Variants in TTYH1 observed in about 807,000 individuals in gnomAD.
The protein encoded by TTYH1 is tweety family member 1.
A neutral mutation model predicts 61.2 loss-of-function variants in TTYH1; 33 were observed. The ratio of observed to expected loss-of-function variants is 0.54; its 90% CI spans 0.41 to 0.72. The LOEUF (loss-of-function observed/expected upper bound fraction) is 0.72. TTYH1 is among the 30% of genes least tolerant of loss of function. The pLI is 0.00. For synonymous variants in TTYH1, 308 were observed against 266.4 expected, an observed-to-expected ratio of 1.16 and a Z score of -1.52; for missense variants, 538 against 575.8, an observed-to-expected ratio of 0.93 and a Z score of 0.67.
At position 54,429,247 on chromosome 19, in the gene TTYH1, G is replaced by A; in HGVS notation, c.735-60G>A. The A allele has an allele frequency of 6.6e-7, 1 of 1,522,854 alleles. No homozygotes were observed. Among genetic ancestry groups the A allele is most frequent in the South Asian group, 1.1e-5 (1 of 89,140 alleles). The allele number at this position is 1,522,854 out of a possible 1,614,324, so 94.3% of individuals were successfully genotyped here. On this transcript the variant is annotated intron_variant, in intron 5 of 13. Coordinates refer to ENST00000376530, the MANE Select transcript of TTYH1 (RefSeq NM_020659.4). The surrounding 1 kb of genome is among the most constrained non-coding windows in gnomAD (Gnocchi z 5.1). ...GCGGCTGTGATGGGATTTGGGGTGT[G>A]GAAAGAGGCTAGGCTAGGAGATTAA...
chr19:54,423,287 T>G (rs550727735), intron 4 of TTYH1, among the ~76,000 whole-genome samples: 1 of 148,874 alleles, frequency 6.7e-6, no homozygotes, highest in Non-Finnish European at 1.5e-5. Flanking sequence ...AACCTCCGCC[T>G]CCTGGATTCA....
intron 7 of TTYH1, 124 bp from the exon 8 acceptor site, chr19:54,430,426 C>A: frequency 9.6e-7 from 1 of 1,040,086 alleles, no homozygotes; most frequent in Non-Finnish European, 1.5e-6. Flanking sequence ...AAGGTAAGGC[C>A]ATCGGGCTCC....
chr19:54,422,128 G>A, intron 3 of TTYH1, 62 bp from the exon 4 acceptor site: 1 of 1,407,154 alleles, frequency 7.1e-7, no homozygotes. Flanking sequence ...AAAACCCCAT[G>A]CCTCGACCGC....
intron 10 of TTYH1, chr19:54,433,662 T>G (rs187203701): frequency 1.3e-5 from 2 of 148,966 alleles, no homozygotes; most frequent in Non-Finnish European, 1.5e-5. Context: ...CTCCTTGAGC[T>G]CAGGAGTTCA....
chr19:54,415,964 G>A lies in TTYH1; in HGVS notation c.126+286G>A. Reference sequence around the variant, plus strand: ...GAGGGGAGGGGGGCCCGGATTCCCGGGTGTCTGATACCTGCCTGGGAAGCC... The same window carrying A: ...GAGGGGAGGGGGGCCCGGATTCCCGAGTGTCTGATACCTGCCTGGGAAGCC... On this transcript the variant is annotated intron_variant, in intron 1 of 13. Transcript: ENST00000376530. The surrounding 1 kb of genome is among the most constrained non-coding windows in gnomAD (Gnocchi z 5.2). The A allele has an allele frequency of 4.2e-6, 5 of 1,180,144 alleles. No homozygotes were observed. Among genetic ancestry groups the A allele is most frequent in the Non-Finnish European group, 5.8e-6 (5 of 858,904 alleles). 73.1% of individuals were successfully genotyped at this position (1,180,144 alleles called of 1,614,324 possible). A position where few individuals can be genotyped will look rare whatever the true frequency, so the allele number is the denominator to read the frequency against.
chr19:54,433,556 T>C (rs2083480247), intron 10 of TTYH1: 2 of 85,090 alleles, frequency 2.4e-5, no homozygotes, highest in Admixed American at 1.3e-4. Context: ...CGAGAATCCG[T>C]CTCAAAAAAA....
chr19:54,428,684 C>T (rs373702478), intron 5 of TTYH1, among the ~76,000 whole-genome samples: 16 of 152,238 alleles, frequency 1.1e-4, no homozygotes, highest in South Asian at 8.3e-4. Flanking sequence ...TGGGGTGAGG[C>T]AGAGTTGAAC....
intron 1 of TTYH1, among the ~76,000 whole-genome samples, chr19:54,417,742 A>T (rs755056844): frequency 1.2e-4 from 18 of 151,624 alleles, no homozygotes; most frequent in Non-Finnish European, 2.1e-4. Flanking sequence ...ACACATATTG[A>T]CTATAGCATT....
chr19:54,416,211 G>A lies in TTYH1; in HGVS notation c.126+533G>A, dbSNP rs767754085. Reference sequence around the variant, plus strand: ...CTTCAGGGGCTGAGGACCAGGGCTGGAAAATGAAGGGGCTCTGGGAGAGGA... The same window carrying A: ...CTTCAGGGGCTGAGGACCAGGGCTGAAAAATGAAGGGGCTCTGGGAGAGGA... On this transcript the variant is annotated intron_variant, in intron 1 of 13. Coordinates refer to ENST00000376530, the MANE Select transcript of TTYH1 (RefSeq NM_020659.4). The surrounding 1 kb of genome is among the most constrained non-coding windows in gnomAD (Gnocchi z 7.0). 3.5e-4 allele frequency: 173 copies of A among 493,410 alleles called. No individual in the cohort carries two copies. The highest frequency in any genetic ancestry group is 2.2e-3 in the African/African-American group (109 of 49,478). The allele number at this position is 493,410 out of a possible 1,614,324, so 30.6% of individuals were successfully genotyped here. A position where few individuals can be genotyped will look rare whatever the true frequency, so the allele number is the denominator to read the frequency against.
At chr19:54,423,310 G>C (rs1447885634) in intron 4 of TTYH1, among the ~76,000 whole-genome samples, 1 of 150,652 alleles carries the variant, frequency 6.6e-6, no homozygotes, top group African/African-American at 2.5e-5. Context: ...CGATTCTCCT[G>C]CCGCAGCCTC....
In TTYH1 at chr19:54,435,693, CGGGG is replaced by C. The variant is rs759069368; in HGVS notation, c.1268+11_1268+14del. The C allele has an allele frequency of 3.1e-6, 5 of 1,607,474 alleles. No homozygotes were observed. Among genetic ancestry groups the C allele is most frequent in the Non-Finnish European group, 4.2e-6 (5 of 1,176,852 alleles). ...GCCCTCTTCCCACCCAGGTCAGGAG[CGGGG>C]GAGGGTAGGGTCCTGGGGAGGGAAG... On this transcript the variant is annotated intron_variant, in intron 11 of 13. Coordinates refer to ENST00000376530, the MANE Select transcript of TTYH1 (RefSeq NM_020659.4).
chr19:54,426,801 G>C lies in TTYH1; in HGVS notation c.734+33G>C, dbSNP rs199841433. 3.8e-6 allele frequency: 6 copies of C among 1,588,464 alleles called. No individual in the cohort carries two copies. In the East Asian group the frequency reaches 1.1e-4, roughly 30 times the overall value. ...CAGGCAGTAGGGGGACCCAGTGCTT[G>C]CCTGGCACTCTCCTGGCAGGCAGGA... is the stretch of plus-strand genomic sequence containing the variant. On this transcript the variant is annotated intron_variant, in intron 5 of 13. Coordinates refer to ENST00000376530, the MANE Select transcript of TTYH1 (RefSeq NM_020659.4).
At position 54,421,293 on chromosome 19, in the gene TTYH1, G is replaced by A. The variant is rs1050294464; in HGVS notation, c.322G>A (p.Gly108Ser). 10 of 1,613,156 alleles carry A rather than the reference G, an allele frequency of 6.2e-6. No individual in the cohort carries two copies. The highest frequency in any genetic ancestry group is 2.7e-5 in the African/African-American group (2 of 74,880). Residue 108 changes from glycine (G) to serine (S), a missense_variant, in exon 3 of 14, where the codon GGT becomes AGT. This residue lies in a region of TTYH1 where 157 missense variants were observed against 157.0 expected (regional missense o/e 1.00). Transcript: ENST00000376530. This position sits in a 1 kb window ranked among gnomAD's most constrained non-coding sequence, Gnocchi z 4.8. ...TCCGCTCAGCACTGGCATTGGCATC[G>A]GTTTCTATGGCAACAGTGAGACCAG... ...LLAGCTGIGIGFYGNSETSDG... is the reference protein window; with the variant it reads ...LLAGCTGIGISFYGNSETSDG...
At chr19:54,425,138 G>T (rs985237634) in intron 4 of TTYH1, among the ~76,000 whole-genome samples, 8 of 152,210 alleles carry the variant, frequency 5.3e-5, no homozygotes, top group African/African-American at 1.9e-4. Context: ...AGGAACAATG[G>T]CGAGCCTCTA....
Position 54,427,724 on chromosome 19 carries a change from C to G in TTYH1, c.734+956C>G, listed in dbSNP as rs551783209. ...GAGCTACCATAAGGCTCCATGTGGCCGGTCAGGGACCTGACTAAGAGCGCA... is the reference window on the plus strand; with the variant it reads ...GAGCTACCATAAGGCTCCATGTGGCGGGTCAGGGACCTGACTAAGAGCGCA... On this transcript the variant is annotated intron_variant, in intron 5 of 13. Coordinates refer to ENST00000376530, the MANE Select transcript of TTYH1 (RefSeq NM_020659.4). 1.8e-4 allele frequency among the ~76,000 whole-genome samples: 27 copies of G among 152,218 alleles called. 1 individual carries two copies. Among genetic ancestry groups the G allele is most frequent in the Admixed American group, 1.6e-3 (24 of 15,280 alleles).
Position 54,436,069 on chromosome 19 carries a change from G to C in TTYH1, c.1315-22G>C, listed in dbSNP as rs767820861. The C allele has an allele frequency of 8.1e-6, 13 of 1,612,850 alleles. 1 individual carries two copies. Among genetic ancestry groups the C allele is most frequent in the South Asian group, 6.6e-5 (6 of 91,040 alleles). On this transcript the variant is annotated intron_variant, in intron 12 of 13. Transcript: ENST00000376530. This position sits in a 1 kb window ranked among gnomAD's most constrained non-coding sequence, Gnocchi z 4.3. ...CCCACTCCATTCCCTCCTCTCCCCC[G>C]CTACCCCGAATCTCCTAGCAGGAAT...
chr19:54,427,674 C>A (rs2083355609), intron 5 of TTYH1, among the ~76,000 whole-genome samples: 1 of 151,924 alleles, frequency 6.6e-6, no homozygotes, highest in Non-Finnish European at 1.5e-5. Flanking sequence ...ACGCTGAGTC[C>A]TTCAGTTGCC....
In TTYH1 at chr19:54,422,928, CAAAAAAA is replaced by C. The variant is rs573699988; in HGVS notation, c.638+535_638+541del. On this transcript the variant is annotated intron_variant, in intron 4 of 13. Coordinates refer to ENST00000376530, the MANE Select transcript of TTYH1 (RefSeq NM_020659.4). Reference sequence around the variant, plus strand: ...TGGGCGATAGAGTGAGACTCCATCTCAAAAAAAAAAAAAAAAAAAAAAAGATGAGGTT... The same window carrying C: ...TGGGCGATAGAGTGAGACTCCATCTCAAAAAAAAAAAAAAAAGATGAGGTT... Among the ~76,000 whole-genome samples, 766 of 85,368 alleles carry C rather than the reference CAAAAAAA, an allele frequency of 9.0e-3. 7 individuals are homozygous for C. Among genetic ancestry groups the C allele is most frequent in the Middle Eastern group, 0.076 (9 of 118 alleles). The allele number at this position is 85,368 out of a possible 152,430, so 56.0% of individuals were successfully genotyped here. A position where few individuals can be genotyped will look rare whatever the true frequency, so the allele number is the denominator to read the frequency against.
intron 5 of TTYH1, 51 bp downstream of exon 5, chr19:54,426,819 A>C: frequency 6.6e-7 from 1 of 1,520,396 alleles, no homozygotes; most frequent in Non-Finnish European, 9.1e-7. Context: ...CTCTCCTGGC[A>C]GGCAGGACCT....
Sources: allele counts gnomAD v4.1 joint callset (sites outside exome capture counted in the v4.1 genomes callset), GRCh38; gene constraint gnomAD v4.1.1; regional missense constraint gnomAD v4.1.1; non-coding constraint Gnocchi (gnomAD v3.1); transcripts MANE v1.5; gene names NCBI Gene and HGNC (gene_info 2026-07-23, HGNC 2026-07-21).